SHPRH: variants seen among roughly 807,000 people sequenced by gnomAD.
The protein encoded by SHPRH is E3 ubiquitin-protein ligase SHPRH.
Under a neutral mutation model 202.5 loss-of-function variants are expected in SHPRH, and 106 were observed. That is an observed-to-expected ratio of 0.52 (90% CI 0.45 to 0.62). The LOEUF (loss-of-function observed/expected upper bound fraction) is 0.62, where lower values mean the gene tolerates loss of function less well. SHPRH is among the 20% of genes least tolerant of loss of function. The pLI is 0.00. For synonymous variants in SHPRH, 729 were observed against 686.0 expected, an observed-to-expected ratio of 1.06 and a Z score of -0.98; for missense variants, 1,710 against 2,020.0, an observed-to-expected ratio of 0.85 and a Z score of 2.94.
At position 145,910,644 on chromosome 6, in the gene SHPRH, G is replaced by A. The variant is rs1352604586; in HGVS notation, c.4327-8C>T. The A allele has an allele frequency of 6.3e-6, 10 of 1,596,028 alleles. No individual in the cohort carries two copies. The highest frequency in any genetic ancestry group is 1.7e-6 in the Non-Finnish European group (2 of 1,168,682). ...ACAGGTCAGTACCGCCCACTAAAAA[G>A]AAAACAGAACAAGCCTTAGTGCTAT... is the stretch of plus-strand genomic sequence containing the variant. On this transcript the variant is annotated splice_region_variant and splice_polypyrimidine_tract_variant and intron_variant, in intron 24 of 29. Transcript: ENST00000275233.
chr6:145,936,295 A>T (rs886314591), intron 11 of SHPRH, among the ~76,000 whole-genome samples: 1 of 152,118 alleles, frequency 6.6e-6, no homozygotes, highest in Non-Finnish European at 1.5e-5. Context: ...TATATAGAAA[A>T]GATCTTCAAA....
At chr6:145,870,644 T>C (rs1411797795) in intron 2 of SHPRH, among the ~76,000 whole-genome samples, 2 of 152,192 alleles carry the variant, frequency 1.3e-5, no homozygotes, top group African/African-American at 4.8e-5. Context: ...TACCTTTTAT[T>C]TCCTTTTGTT....
In SHPRH at chr6:145,922,332, C is replaced by A; in HGVS notation, c.3736G>T (p.Ala1246Ser). ...TCATACTCTGTGAACAATTCATCAG[C>A]TTTACAAAAGACACAGCTGAAAAAA... ...LPLNCCVFCKADELFTEYESK... is the reference protein window; with the variant it reads ...LPLNCCVFCKSDELFTEYESK... Residue 1246 changes from alanine (A) to serine (S), a missense_variant, in exon 20 of 30, where the codon GCT (alanine) becomes TCT (serine). Around this residue, in one of 8 missense-constraint regions of SHPRH, gnomAD observed 288 missense variants for 317.8 expected, o/e 0.91. Coordinates refer to ENST00000275233, the MANE Select transcript of SHPRH (RefSeq NM_001042683.3). 6.4e-7 allele frequency: 1 copy of A among 1,560,660 alleles called. No homozygotes were observed. The highest frequency in any genetic ancestry group is 8.6e-7 in the Non-Finnish European group (1 of 1,163,508).
intron 28 of SHPRH, among the ~76,000 whole-genome samples, chr6:145,889,055 T>C (rs1358808496): frequency 6.6e-6 from 1 of 152,116 alleles, no homozygotes; most frequent in Non-Finnish European, 1.5e-5. Context: ...CAGATACCTA[T>C]TAGACAGGTA....
rs912373121 is a variant in SHPRH at position 145,927,178 on chromosome 6, T to A, written c.3201+11A>T. 6.2e-7 allele frequency: 1 copy of A among 1,609,062 alleles called. No homozygotes were observed. The highest frequency in any genetic ancestry group is 1.3e-5 in the African/African-American group (1 of 74,762). On this transcript the variant is annotated intron_variant, in intron 15 of 29. Coordinates refer to ENST00000275233, the MANE Select transcript of SHPRH (RefSeq NM_001042683.3). ...ACAGAATACCTATGAAACTGTTTAG[T>A]CTTTACTTACTTGAAGTGAATCAGT...
intron 11 of SHPRH, among the ~76,000 whole-genome samples, chr6:145,937,687 T>C (rs766108220): frequency 2.0e-5 from 3 of 152,196 alleles, no homozygotes; most frequent in African/African-American, 4.8e-5. Context: ...CATCTCTACC[T>C]ACCTAGTCTC....
At chr6:145,890,752 C>T (rs1041303273) in intron 28 of SHPRH, among the ~76,000 whole-genome samples, 1 of 152,114 alleles carries the variant, frequency 6.6e-6, no homozygotes, top group Non-Finnish European at 1.5e-5. Context: ...CTTCCCTTAC[C>T]AAATCTGCTC....
rs772346595 is a variant in SHPRH, at chr6:145,894,249, A to C, written c.4609-13T>G. ...ATACATCTTGCCACTAGAACACATA[A>C]AACAATAAGAAAACCAATATTTACA... On this transcript the variant is annotated splice_polypyrimidine_tract_variant and intron_variant, in intron 26 of 29. Transcript: ENST00000275233. The C allele has an allele frequency of 6.4e-7, 1 of 1,565,382 alleles. No individual in the cohort carries two copies.
At chr6:145,951,198 A>AT (rs1274714044) in intron 3 of SHPRH, among the ~76,000 whole-genome samples, 1 of 152,112 alleles carries the variant, frequency 6.6e-6, no homozygotes, top group East Asian at 1.9e-4. Flanking sequence ...GAAAAAAGTA[A>AT]TAAAAACCTT....
intron 2 of SHPRH, among the ~76,000 whole-genome samples, chr6:145,868,681 T>C (rs891069880): frequency 2.6e-5 from 4 of 152,180 alleles, no homozygotes; most frequent in Non-Finnish European, 5.9e-5. Context: ...ACTTCATCCC[T>C]CTAGTCTTTT....
chr6:145,955,167 A>C lies in SHPRH; in HGVS notation c.156T>G (p.Ala52=), dbSNP rs1788376645. 6.2e-7 allele frequency: 1 copy of C among 1,613,872 alleles called. No individual in the cohort carries two copies. Among genetic ancestry groups the C allele is most frequent in the Non-Finnish European group, 8.5e-7 (1 of 1,179,962 alleles). ...GACTATCACTTAGAATGATATAATG[A>C]GCAGAAGAGGTATCTGAACCTGGGC... ...QPCPGSDTSS[A]HYIILSDSLK... Residue 52 remains alanine, a synonymous_variant, in exon 2 of 30, where the codon GCT becomes GCG. Transcript: ENST00000275233.
At chr6:145,961,121 G>A (rs1789049390) in intron 1 of SHPRH, among the ~76,000 whole-genome samples, 1 of 152,120 alleles carries the variant, frequency 6.6e-6, no homozygotes, top group Non-Finnish European at 1.5e-5. Context: ...ACTGGCACCG[G>A]TCCATGGCCT....
At chr6:145,963,480 G>A (rs1322862259) in intron 1 of SHPRH, among the ~76,000 whole-genome samples, 1 of 152,162 alleles carries the variant, frequency 6.6e-6, no homozygotes, top group African/African-American at 2.4e-5. Context: ...TCATTATACA[G>A]TGACTATTAA....
intron 2 of SHPRH, among the ~76,000 whole-genome samples, chr6:145,875,331 T>C (rs1415643094): frequency 1.3e-5 from 2 of 152,208 alleles, no homozygotes; most frequent in African/African-American, 2.4e-5. Flanking sequence ...AATCTTATAA[T>C]GCATAGGACA....
Position 145,870,259 on chromosome 6 carries a change from A to ATTTTTT in SHPRH, c.222-5774_222-5769dup, listed in dbSNP as rs146513776. Among the ~76,000 whole-genome samples the ATTTTTT allele has an allele frequency of 1.0e-4, 11 of 107,740 alleles. 1 individual carries two copies. In the East Asian group the frequency reaches 2.7e-3, roughly 27 times the overall value. 70.7% of individuals were successfully genotyped at this position (107,740 alleles called of 152,430 possible). On this transcript the variant is annotated intron_variant, in intron 2 of 2. Transcript: ENST00000417762. ...AGGGTTTTTTTGTCAATCGTTTCAG[A>ATTTTTT]TTTTTTTTTTTTTTTTTTTTGAGAT...
At chr6:145,896,105 C>A (rs1427258044) in intron 25 of SHPRH, among the ~76,000 whole-genome samples, 2 of 151,846 alleles carry the variant, frequency 1.3e-5, no homozygotes, top group Non-Finnish European at 2.9e-5. Context: ...ATAAACAAAA[C>A]AAGAAAGAAA....
chr6:145,937,398 C>T (rs1786229911), intron 11 of SHPRH, among the ~76,000 whole-genome samples: 1 of 152,150 alleles, frequency 6.6e-6, no homozygotes, highest in African/African-American at 2.4e-5. Flanking sequence ...GCCTTATCCA[C>T]TTTTTTCTGT....
At chr6:145,902,798 C>T (rs1488567859) in intron 25 of SHPRH, among the ~76,000 whole-genome samples, 2 of 152,004 alleles carry the variant, frequency 1.3e-5, no homozygotes, top group African/African-American at 2.4e-5. Context: ...CTATTATATG[C>T]CAGGTATTGT....
intron 13 of SHPRH, among the ~76,000 whole-genome samples, chr6:145,934,151 C>T (rs1785774897): frequency 6.6e-6 from 1 of 151,936 alleles, no homozygotes; most frequent in African/African-American, 2.4e-5. Flanking sequence ...TCAGCTCAGG[C>T]AACATAGCGA....
Sources: gnomAD v4.1 joint callset for allele counts (sites outside exome capture counted in the v4.1 genomes callset) on GRCh38, gnomAD v4.1.1 for gene constraint, gnomAD v4.1.1 regional missense constraint, MANE v1.5 for transcripts, NCBI Gene and HGNC (gene_info 2026-07-23, HGNC 2026-07-21) for gene names.